Variants in RGL1 observed in about 807,000 individuals in gnomAD.
RGL1 encodes the protein ral guanine nucleotide dissociation stimulator like 1, also known as ral guanine nucleotide dissociation stimulator-like 1.
Under a neutral mutation model 95.2 loss-of-function variants are expected in RGL1, and 24 were observed. The ratio of observed to expected loss-of-function variants is 0.25; its 90% CI spans 0.18 to 0.35. The LOEUF is 0.35. RGL1 is among the 10% of genes least tolerant of loss of function. The pLI is 1.00. For missense variants in RGL1, 715 were observed against 936.3 expected (o/e 0.76, Z 3.08); for synonymous variants, 329 against 344.9 (o/e 0.95, Z 0.51).
intron 10 of RGL1, 60 bp downstream of exon 10, chr1:183,897,957 G>A: frequency 3.5e-6 from 5 of 1,423,842 alleles, no homozygotes; most frequent in Non-Finnish European, 4.9e-6. Context: ...TGTGCGTCTG[G>A]GCTCCCACAT....
rs1553265192 is a variant in RGL1 at position 183,643,262 on chromosome 1, T to TTTATTTA, written c.-33+6763_-33+6764insATTTATT. Among the ~76,000 whole-genome samples the TTTATTTA allele has an allele frequency of 6.6e-4, 90 of 136,500 alleles. 1 individual carries two copies. The highest frequency in any genetic ancestry group is 3.7e-3 in the Middle Eastern group (1 of 268). The allele number at this position is 136,500 out of a possible 152,430, so 89.5% of individuals were successfully genotyped here. On this transcript the variant is annotated intron_variant, in intron 1 of 18. Transcript: ENST00000304685. ...GAACTATCTCTTTGAGGTCCTGTTT[T>TTTATTTA]TTTATTTATTTATTTATTTATTTAT... is the stretch of plus-strand genomic sequence containing the variant.
chr1:183,642,276 T>C lies in RGL1; in HGVS notation c.-33+5775T>C, dbSNP rs572719960. Among the ~76,000 whole-genome samples, 47 of 152,334 alleles carry C rather than the reference T, an allele frequency of 3.1e-4. No individual in the cohort carries two copies. In the South Asian group the frequency reaches 7.3e-3, roughly 24 times the overall value. ...TGGTAAATAAACCCTTTACTTGCAT[T>C]ATTTAATTCCCAGAGTAGCTCTATA... On this transcript the variant is annotated intron_variant, in intron 1 of 18. Coordinates refer to the RGL1 transcript ENST00000304685.
chr1:183,695,801 A>G (rs1654216876), intron 1 of RGL1, among the ~76,000 whole-genome samples: 1 of 152,216 alleles, frequency 6.6e-6, no homozygotes, highest in African/African-American at 2.4e-5. Flanking sequence ...GAACACAAGT[A>G]TTTGAAATCT....
intron 17 of RGL1, among the ~76,000 whole-genome samples, chr1:183,925,332 C>CA (rs1205285803): frequency 6.6e-6 from 1 of 151,894 alleles, no homozygotes; most frequent in African/African-American, 2.4e-5. Flanking sequence ...TGGGGCCTGT[C>CA]AGGGGGTTGG....
At chr1:183,905,000 G>A in intron 13 of RGL1, 29 bp downstream of exon 13, 1 of 1,595,060 alleles carries the variant, frequency 6.3e-7, no homozygotes, top group Non-Finnish European at 8.5e-7. Context: ...CATCGGGGTA[G>A]AACTGAAGTG....
intron 2 of RGL1, among the ~76,000 whole-genome samples, chr1:183,773,676 G>A (rs532978923): frequency 2.0e-5 from 3 of 152,336 alleles, no homozygotes; most frequent in Non-Finnish European, 4.4e-5. Context: ...CTGATGAAAA[G>A]AGTCCTTAGC....
At chr1:183,661,376 A>G (rs905472551) in intron 1 of RGL1, among the ~76,000 whole-genome samples, 3 of 152,212 alleles carry the variant, frequency 2.0e-5, no homozygotes, top group Non-Finnish European at 4.4e-5. Context: ...TAAAGGGGAT[A>G]TCACCACCAA....
At chr1:183,817,375 T>C (rs918530472) in intron 2 of RGL1, among the ~76,000 whole-genome samples, 3 of 152,264 alleles carry the variant, frequency 2.0e-5, no homozygotes, top group Non-Finnish European at 2.9e-5. Context: ...TTTTTCTCAC[T>C]GTCTTTCCAT....
chr1:183,775,400 T>G (rs564876892), intron 2 of RGL1, among the ~76,000 whole-genome samples: 145 of 152,366 alleles, frequency 9.5e-4, no homozygotes, highest in African/African-American at 3.4e-3. Flanking sequence ...TTCTGCACAC[T>G]TATGAGATAG....
intron 2 of RGL1, among the ~76,000 whole-genome samples, chr1:183,775,121 G>C (rs1432978046): frequency 2.0e-5 from 3 of 152,076 alleles, no homozygotes; most frequent in Non-Finnish European, 4.4e-5. Context: ...CATCTCCTCA[G>C]CTGCAGCACC....
chr1:183,691,087 T>G (rs577571889), intron 1 of RGL1, among the ~76,000 whole-genome samples: 1 of 152,338 alleles, frequency 6.6e-6, no homozygotes, highest in Non-Finnish European at 1.5e-5. Flanking sequence ...TTGTTAGTGC[T>G]TTAACCAGCA....
chr1:183,738,970 T>C (rs918878062), intron 1 of RGL1, among the ~76,000 whole-genome samples: 2 of 151,974 alleles, frequency 1.3e-5, no homozygotes, highest in Admixed American at 1.3e-4. Context: ...AAAGGACAGG[T>C]TGGTAGCAGG....
At chr1:183,708,019 T>C (rs1241070914) in intron 1 of RGL1, among the ~76,000 whole-genome samples, 3 of 152,194 alleles carry the variant, frequency 2.0e-5, no homozygotes, top group Non-Finnish European at 4.4e-5. Context: ...ATTTCTCCAG[T>C]TGTCGGCAAT....
intron 2 of RGL1, among the ~76,000 whole-genome samples, chr1:183,818,250 T>C (rs1662218598): frequency 6.6e-6 from 1 of 152,226 alleles, no homozygotes; most frequent in Non-Finnish European, 1.5e-5. Flanking sequence ...TCCTTCCATC[T>C]GGACCTCCAG....
At chr1:183,758,876 C>T (rs1658505439) in intron 2 of RGL1, among the ~76,000 whole-genome samples, 1 of 152,138 alleles carries the variant, frequency 6.6e-6, no homozygotes, top group African/African-American at 2.4e-5. Context: ...TTAAATAGAA[C>T]TTAGAACTCT....
intron 2 of RGL1, among the ~76,000 whole-genome samples, chr1:183,799,084 A>G (rs1373596377): frequency 6.6e-6 from 1 of 151,282 alleles, no homozygotes; most frequent in Non-Finnish European, 1.5e-5. Context: ...TTGTATTTTT[A>G]CTACAGGCAG....
At chr1:183,728,410 T>A (rs1656432319) in intron 1 of RGL1, among the ~76,000 whole-genome samples, 1 of 152,162 alleles carries the variant, frequency 6.6e-6, no homozygotes. Flanking sequence ...TAGTTGGTTC[T>A]GCTCCTCTGG....
rs543796230 is a variant in RGL1, at chr1:183,738,458, C to G, written c.-32-3668C>G. 4.6e-5 allele frequency among the ~76,000 whole-genome samples: 7 copies of G among 151,950 alleles called. No individual in the cohort carries two copies. The South Asian group carries it at 1.0e-3, about 23-fold the overall frequency. On this transcript the variant is annotated intron_variant, in intron 1 of 18. Transcript: ENST00000304685. The stretch of plus-strand genomic sequence containing the variant: ...AAGAAAAAGAAAGAAGTCAGCAGTT[C>G]AACTATAAGATGCACAGTATATCAG...
At chr1:183,699,197 G>A (rs1285871638) in intron 1 of RGL1, among the ~76,000 whole-genome samples, 1 of 152,204 alleles carries the variant, frequency 6.6e-6, no homozygotes, top group Non-Finnish European at 1.5e-5. Flanking sequence ...GGTTCACCCA[G>A]TGTGTTTCCT....
Sources: gnomAD v4.1 joint callset for allele counts (sites outside exome capture counted in the v4.1 genomes callset) on GRCh38, gnomAD v4.1.1 for gene constraint, MANE v1.5 for transcripts, NCBI Gene and HGNC (gene_info 2026-07-23, HGNC 2026-07-21) for gene names.